The following MYO1F variants were observed in gnomAD, a reference collection of about 807,000 sequenced individuals.
MYO1F encodes myosin IF, also known as unconventional myosin-If.
In MYO1F, 60 loss-of-function variants were observed where a neutral mutation model predicts 146.6. The observed-to-expected ratio is 0.41, with a 90% CI of 0.33 to 0.51. The LOEUF (loss-of-function observed/expected upper bound fraction) is 0.51. Ranked by LOEUF, MYO1F falls within the 20% of genes least tolerant of loss-of-function variation. The pLI, the probability that MYO1F is intolerant of heterozygous loss-of-function variation, is 0.25. For missense variants in MYO1F, 1,274 were observed against 1,534.3 expected (o/e 0.83, Z 2.83); for synonymous variants, 602 against 602.1 (o/e 1.00, Z 0.00).
chr19:8,541,421 G>GTTTTTT (rs1336052012), intron 15 of MYO1F, among the ~76,000 whole-genome samples: 1 of 130,280 alleles, frequency 7.7e-6, no homozygotes, highest in African/African-American at 3.0e-5. Context: ...GTGTGTGTGT[G>GTTTTTT]TGTGTTTTTT....
At chr19:8,564,644 G>A (rs1600046278) in intron 1 of MYO1F, among the ~76,000 whole-genome samples, 1 of 151,782 alleles carries the variant, frequency 6.6e-6, no homozygotes, top group South Asian at 2.1e-4. Context: ...ACTAAGAGGG[G>A]CCCCAGGGTC....
At chr19:8,540,147 G>A in intron 15 of MYO1F, 119 bp from the exon 16 acceptor site, 1 of 753,290 alleles carries the variant, frequency 1.3e-6, no homozygotes, top group Admixed American at 2.7e-5. Context: ...CAATGTGGAG[G>A]GGAGCTGTGA....
At chr19:8,569,652 G>T (rs1358467689) in intron 1 of MYO1F, among the ~76,000 whole-genome samples, 1 of 152,122 alleles carries the variant, frequency 6.6e-6, no homozygotes, top group Admixed American at 6.6e-5. Flanking sequence ...AGGAGACCAT[G>T]GCTGGAAAGT....
At chr19:8,571,843 C>T (rs987691525) in intron 1 of MYO1F, among the ~76,000 whole-genome samples, 45 of 151,824 alleles carry the variant, frequency 3.0e-4, no homozygotes, top group African/African-American at 9.2e-4. Context: ...ATGATCTGCC[C>T]GCCTCGGCCT....
At chr19:8,566,714 A>G (rs2145971046) in intron 1 of MYO1F, among the ~76,000 whole-genome samples, 1 of 147,752 alleles carries the variant, frequency 6.8e-6, no homozygotes, top group East Asian at 2.1e-4. Flanking sequence ...GGGTTTCACC[A>G]TGTTGGCCAA....
In MYO1F at chr19:8,552,143, A is replaced by G. The variant is rs1165623588; in HGVS notation, c.526T>C (p.Phe176Leu). The G allele has an allele frequency of 3.1e-6, 5 of 1,614,100 alleles. No homozygotes were observed. Among genetic ancestry groups the G allele is most frequent in the Admixed American group, 1.7e-5 (1 of 60,004 alleles). ...SRFGKYFEIQ[F>L]SRGGEPDGGK... ...CCATCTGGCTCCCCACCTCGGCTGA[A>G]CTGGATCTCAAAGTACTTGCCCTGA... Residue 176 changes from phenylalanine to leucine, a missense_variant, in exon 7 of 28, where the codon TTC becomes CTC. By Grantham distance (22) the Phe-to-Leu change is conservative. Around this residue, in one of 2 missense-constraint regions of MYO1F, gnomAD observed 900 missense variants for 1,155.1 expected, o/e 0.78. Transcript: ENST00000644032.
intron 21 of MYO1F, among the ~76,000 whole-genome samples, chr19:8,529,227 A>T (rs900072841): frequency 6.6e-6 from 1 of 152,130 alleles, no homozygotes; most frequent in Non-Finnish European, 1.5e-5. Context: ...CCTGCCACAC[A>T]TAGGCCTCTC....
At chr19:8,544,036 C>CGGTGGA in intron 14 of MYO1F, 1 of 270,192 alleles carries the variant, frequency 3.7e-6, no homozygotes, top group Non-Finnish European at 6.3e-6. Flanking sequence ...GTGGCGGTGG[C>CGGTGGA]GGTGCTGGTG....
rs1226011553 is a variant in MYO1F, at chr19:8,526,406, AG to A, written c.2770+46del. ...TCCTGGCCTTCGTCCACTCTTAACCAGCCTCGCTGGCCCCGCCCCCTCTGCC... is the reference window on the plus strand; with the variant it reads ...TCCTGGCCTTCGTCCACTCTTAACCACCTCGCTGGCCCCGCCCCCTCTGCC... On this transcript the variant is annotated intron_variant, in intron 24 of 27. Coordinates refer to ENST00000644032, the MANE Select transcript of MYO1F (RefSeq NM_012335.4). 2.6e-6 allele frequency: 4 copies of A among 1,545,098 alleles called. No homozygotes were observed. In the African/African-American group the frequency reaches 5.5e-5, roughly 21 times the overall value.
At chr19:8,558,201 T>A (rs559690173) in intron 1 of MYO1F, among the ~76,000 whole-genome samples, 1 of 152,228 alleles carries the variant, frequency 6.6e-6, no homozygotes, top group Non-Finnish European at 1.5e-5. Context: ...TCTTGTTCTG[T>A]CACCCAGGCT....
chr19:8,574,126 C>T (rs1443566942), intron 1 of MYO1F, among the ~76,000 whole-genome samples: 4 of 152,114 alleles, frequency 2.6e-5, no homozygotes, highest in Non-Finnish European at 5.9e-5. Context: ...GAATTTCCAG[C>T]TGAAAACAAT....
At chr19:8,543,984 C>A (rs571241741) in intron 14 of MYO1F, 1 of 173,060 alleles carries the variant, frequency 5.8e-6, no homozygotes. Context: ...GGTGCTGGTG[C>A]TGGTGGTGGT....
At chr19:8,568,687 G>A (rs949803457) in intron 1 of MYO1F, among the ~76,000 whole-genome samples, 1 of 152,018 alleles carries the variant, frequency 6.6e-6, no homozygotes, top group Non-Finnish European at 1.5e-5. Flanking sequence ...TTTTGGAGGC[G>A]AGGCAGGCAG....
At chr19:8,554,346 C>A in intron 4 of MYO1F, 131 bp downstream of exon 4, 1 of 808,008 alleles carries the variant, frequency 1.2e-6, no homozygotes, top group Non-Finnish European at 2.2e-6. Flanking sequence ...GAAAATAAAA[C>A]AGAGTGAGGG....
At position 8,557,679 on chromosome 19, in the gene MYO1F, G is replaced by T. The variant is rs78144891; in HGVS notation, c.4-1883C>A. 2.0e-3 allele frequency among the ~76,000 whole-genome samples: 308 copies of T among 152,214 alleles called. 5 individuals carry two copies. Among genetic ancestry groups the T allele is most frequent in the African/African-American group, 6.8e-3 (281 of 41,526 alleles). On this transcript the variant is annotated intron_variant, in intron 1 of 27. Coordinates refer to ENST00000644032, the MANE Select transcript of MYO1F (RefSeq NM_012335.4). ...CCTCACTTCCCATGAAGGATGCCAG[G>T]CTTGGCGGGCAGGGCACAGAGTGCT...
intron 19 of MYO1F, among the ~76,000 whole-genome samples, chr19:8,534,497 G>T (rs1051182707): frequency 6.6e-6 from 1 of 151,698 alleles, no homozygotes; most frequent in Non-Finnish European, 1.5e-5. Flanking sequence ...AGTAGAGATG[G>T]GGTTTCCCCA....
At chr19:8,560,971 T>C (rs928843208) in intron 1 of MYO1F, among the ~76,000 whole-genome samples, 2 of 151,642 alleles carry the variant, frequency 1.3e-5, no homozygotes, top group African/African-American at 4.8e-5. Flanking sequence ...TCTCCTGACC[T>C]TGTGATCTGC....
rs376454294 is a variant in MYO1F at position 8,522,697 on chromosome 19, C to T, written c.2987G>A (p.Arg996Gln). ...STSLGASRRP[R>Q]ARPPSEHNTE... ...GTTGTGCTCTGAGGGCGGACGTGCC[C>T]GGGGTCGTCTGCTGGCTCCCAGGGA... is the stretch of plus-strand genomic sequence containing the variant. Residue 996 changes from arginine to glutamine, a missense_variant, in exon 26 of 28, where the codon CGG (arginine) becomes CAG (glutamine). By Grantham distance (43) the Arg-to-Gln change is conservative (BLOSUM62 1). Transcript: ENST00000644032. 28 of 1,613,804 alleles carry T rather than the reference C, an allele frequency of 1.7e-5. No homozygotes were observed. Among genetic ancestry groups the T allele is most frequent in the Middle Eastern group, 1.6e-4 (1 of 6,070 alleles).
At chr19:8,524,498 T>G (rs1972185751) in intron 25 of MYO1F, among the ~76,000 whole-genome samples, 1 of 147,466 alleles carries the variant, frequency 6.8e-6, no homozygotes, top group African/African-American at 2.5e-5. Flanking sequence ...GGCAGGAGAA[T>G]CGCTTGAACC....
Sources: allele counts gnomAD v4.1 joint callset (sites outside exome capture counted in the v4.1 genomes callset), GRCh38; gene constraint gnomAD v4.1.1; regional missense constraint gnomAD v4.1.1; transcripts MANE v1.5; gene names NCBI Gene and HGNC (gene_info 2026-07-23, HGNC 2026-07-21).